The following SLC4A9 variants were observed in gnomAD, a reference collection of about 807,000 sequenced individuals.
SLC4A9 encodes the protein solute carrier family 4 member 9, also known as anion exchange protein 4.
Under a neutral mutation model 103.2 loss-of-function variants are expected in SLC4A9, and 102 were observed. That is an observed-to-expected ratio of 0.99 (90% CI 0.84 to 1.17). The LOEUF (loss-of-function observed/expected upper bound fraction) is 1.17, where lower values mean the gene tolerates loss of function less well. Ranked by LOEUF, SLC4A9 falls within the 50% of genes most tolerant of loss-of-function variation. SLC4A9 has a pLI of 0.00. For missense variants in SLC4A9, 1,091 were observed against 1,193.7 expected, an observed-to-expected ratio of 0.91 and a Z score of 1.27; for synonymous variants, 453 against 483.6, an observed-to-expected ratio of 0.94 and a Z score of 0.83.
intron 6 of SLC4A9, 25 bp downstream of exon 6, chr5:140,362,557 T>TGC (rs1359731749): frequency 1.0e-5 from 16 of 1,594,664 alleles, no homozygotes; most frequent in Middle Eastern, 1.7e-4. Context: ...TGTGTGTGTG[T>TGC]GCGCGCGCAC....
Position 140,363,983 on chromosome 5 carries a change from G to A in SLC4A9, c.1255-71G>A. ...CCCCTGGGACTATGGGTAAGTTAAG[G>A]AGGCTCTCCCAAAGCTTCAAAGGAC... On this transcript the variant is annotated intron_variant, in intron 9 of 21. Transcript: ENST00000506757. This position sits in a 1 kb window ranked among gnomAD's most constrained non-coding sequence, Gnocchi z 4.5. The A allele has an allele frequency of 1.3e-6, 2 of 1,555,854 alleles. No homozygotes were observed.
Position 140,373,796 on chromosome 5 carries a change from A to T in SLC4A9, c.*45+953A>T, listed in dbSNP as rs183857548. Among the ~76,000 whole-genome samples the T allele has an allele frequency of 3.2e-3, 490 of 152,212 alleles. 4 individuals carry two copies. Among genetic ancestry groups the T allele is most frequent in the African/African-American group, 0.011 (472 of 41,518 alleles). On this transcript the variant is annotated intron_variant, in intron 21 of 21. Transcript: ENST00000506757. Reference sequence around the variant, plus strand: ...ATAGTGAGATCCTGTCTCTAAAAAAATTTTTTTTAAAAGGAGCAAGCCAGG... The same window carrying T: ...ATAGTGAGATCCTGTCTCTAAAAAATTTTTTTTTAAAAGGAGCAAGCCAGG...
intron 11 of SLC4A9, 79 bp downstream of exon 11, chr5:140,364,704 C>T: frequency 6.6e-7 from 1 of 1,514,370 alleles, no homozygotes; most frequent in Non-Finnish European, 8.9e-7. Context: ...TACTATCCCC[C>T]CTGGTTAAGT....
At chr5:140,365,456 T>G (rs1370669007) in intron 11 of SLC4A9, 64 bp from the exon 12 acceptor site, 2 of 1,472,106 alleles carry the variant, frequency 1.4e-6, no homozygotes, top group Non-Finnish European at 1.9e-6. Flanking sequence ...GATAAGAATT[T>G]TATGGGGCTG....
In SLC4A9 at chr5:140,372,413, G is replaced by T; in HGVS notation, c.2826+16G>T. The T allele has an allele frequency of 6.2e-7, 1 of 1,606,846 alleles. No individual in the cohort carries two copies. The highest frequency in any genetic ancestry group is 1.3e-5 in the African/African-American group (1 of 74,526). On this transcript the variant is annotated intron_variant, in intron 20 of 21. Coordinates refer to ENST00000506757, the MANE Select transcript of SLC4A9 (RefSeq NM_031467.3). ...CAGTGAAGATGTGAGCTCCAGGCTG[G>T]GTCCTCTCAGGAGAATGTGTCAGGG...
At chr5:140,365,466 G>A in intron 11 of SLC4A9, 54 bp from the exon 12 acceptor site, 1 of 1,522,026 alleles carries the variant, frequency 6.6e-7, no homozygotes, top group East Asian at 2.4e-5. Flanking sequence ...TTATGGGGCT[G>A]GAGGAGGTTC....
chr5:140,364,067 G>A lies in SLC4A9; in HGVS notation c.1268G>A (p.Ser423Asn). The A allele has an allele frequency of 6.5e-7, 1 of 1,549,292 alleles. No individual in the cohort carries two copies. Among genetic ancestry groups the A allele is most frequent in the Non-Finnish European group, 8.7e-7 (1 of 1,150,568 alleles). ...GTTGGCTTCCAGGGAGTGCTGGAAA[G>A]TTTCCTGGGCACAGCAGTGGCTGGA... ...ATDGAQGVLE[S>N]FLGTAVAGAA... is the part of the protein sequence containing the mutation. Residue 423 changes from serine to asparagine, a missense_variant, in exon 10 of 22, where the codon AGT becomes AAT. Coordinates refer to ENST00000506757, the MANE Select transcript of SLC4A9 (RefSeq NM_031467.3).
rs761539859 is a variant in SLC4A9, at chr5:140,367,435, C to A, written c.2029C>A (p.Arg677Ser). The change falls in exon 15 of 22, where the codon CGT becomes AGT. Residue 677 changes from arginine (R) to serine (S), a missense_variant. Arg to Ser is a moderately radical substitution (Grantham distance 110, BLOSUM62 -1). Coordinates refer to ENST00000506757, the MANE Select transcript of SLC4A9 (RefSeq NM_031467.3). Reference protein sequence around the residue: ...PREFKPTLPGRGWLVSPFGAN... With the variant: ...PREFKPTLPGSGWLVSPFGAN... Reference sequence around the variant, plus strand: ...CCTCCTCCAGCCCACACTCCCTGGGCGTGGCTGGCTGGTGTCACCTTTTGG... The same window carrying A: ...CCTCCTCCAGCCCACACTCCCTGGGAGTGGCTGGCTGGTGTCACCTTTTGG... 7 of 1,611,706 alleles carry A rather than the reference C, an allele frequency of 4.3e-6. No individual in the cohort carries two copies. The highest frequency in any genetic ancestry group is 5.1e-6 in the Non-Finnish European group (6 of 1,179,148).
At position 140,367,560 on chromosome 5, in the gene SLC4A9, C is replaced by A. The variant is rs1422042602; in HGVS notation, c.2154C>A (p.Asn718Lys). Residue 718 changes from asparagine (N) to lysine (K), a missense_variant, in exon 15 of 22, where the codon AAC (asparagine) becomes AAA (lysine). Physicochemically the swap from Asn to Lys is moderately conservative, Grantham distance 94. Transcript: ENST00000506757. ...AACAGATCACAGCAGTCATCCTCAA[C>A]CGCATGGAATACAGACTGCAGGTAA... ...MDQQITAVIL[N>K]RMEYRLQKGA... The A allele has an allele frequency of 6.2e-7, 1 of 1,603,688 alleles. No individual in the cohort carries two copies. Among genetic ancestry groups the A allele is most frequent in the Non-Finnish European group, 8.5e-7 (1 of 1,175,312 alleles).
At position 140,361,259 on chromosome 5, in the gene SLC4A9, G is replaced by A. The variant is rs373183596; in HGVS notation, c.397G>A (p.Val133Met). 9.0e-6 allele frequency: 14 copies of A among 1,562,944 alleles called. No individual in the cohort carries two copies. In the African/African-American group the frequency reaches 1.8e-4, roughly 20 times the overall value. Residue 133 changes from valine (V) to methionine (M), a missense_variant, in exon 3 of 22, where the codon GTG (valine) becomes ATG (methionine). Physicochemically the swap from Val to Met is conservative, Grantham distance 21. Coordinates refer to ENST00000506757, the MANE Select transcript of SLC4A9 (RefSeq NM_031467.3). ...ACCCCCAATCCATTCTCCAGAGCAG[G>A]TGACCAGGGTGGAGTCGCTGAGCCC... ...AQSLLELVEQ[V>M]TRVESLSPEL...
chr5:140,362,008 C>G lies in SLC4A9; in HGVS notation c.562-9C>G, dbSNP rs1767155974. The G allele has an allele frequency of 6.2e-7, 1 of 1,613,526 alleles. No individual in the cohort carries two copies. The highest frequency in any genetic ancestry group is 8.5e-7 in the Non-Finnish European group (1 of 1,179,742). On this transcript the variant is annotated splice_polypyrimidine_tract_variant and intron_variant, in intron 4 of 21. Coordinates refer to ENST00000506757, the MANE Select transcript of SLC4A9 (RefSeq NM_031467.3). ...TTCATATTCTGTGTCTCCTTGAACC[C>G]CCATCCAGTGTCAGAACCCCCTGAG...
At chr5:140,365,497 C>A in intron 11 of SLC4A9, 23 bp from the exon 12 acceptor site, 1 of 1,600,558 alleles carries the variant, frequency 6.2e-7, no homozygotes, top group Non-Finnish European at 8.5e-7. Context: ...GAACATACAT[C>A]TGAATTCTTC....
At chr5:140,364,680 AG>A (rs1767629054) in intron 11 of SLC4A9, 55 bp downstream of exon 11, 5 of 1,560,720 alleles carry the variant, frequency 3.2e-6, no homozygotes, top group Non-Finnish European at 4.3e-6. Context: ...AGGGAAGGGG[AG>A]GGGCTGCACC....
At position 140,372,780 on chromosome 5, in the gene SLC4A9, C is replaced by A. The variant is rs775610632; in HGVS notation, c.2862C>A (p.Ile954=). The A allele has an allele frequency of 7.1e-5, 112 of 1,577,556 alleles. No individual in the cohort carries two copies. The highest frequency in any genetic ancestry group is 9.4e-5 in the Non-Finnish European group (109 of 1,160,486). ...ELMYQPKAPE[I]NISVN is the part of the protein sequence containing the mutation. ...TGTATCAGCCAAAGGCTCCAGAAAT[C>A]AACATTTCTGTGAATTAGCTGGAGT... Residue 954 remains isoleucine (I), a synonymous_variant, in exon 21 of 22, where the codon ATC becomes ATA. Coordinates refer to ENST00000506757, the MANE Select transcript of SLC4A9 (RefSeq NM_031467.3).
Position 140,363,256 on chromosome 5 carries a change from G to A in SLC4A9, c.963-183G>A, listed in dbSNP as rs1767369658. On this transcript the variant is annotated intron_variant, in intron 7 of 21. Transcript: ENST00000506757. This position sits in a 1 kb window ranked among gnomAD's most constrained non-coding sequence, Gnocchi z 4.5. ...AGAGACCTGAACAAAGACCTTCCCTGCCCGAGCCTGGCTTTCACAGGTCGC... is the reference window on the plus strand; with the variant it reads ...AGAGACCTGAACAAAGACCTTCCCTACCCGAGCCTGGCTTTCACAGGTCGC... Among the ~76,000 whole-genome samples, 1 of 152,162 alleles carries A rather than the reference G, an allele frequency of 6.6e-6. No individual in the cohort carries two copies. Among genetic ancestry groups the A allele is most frequent in the African/African-American group, 2.4e-5 (1 of 41,442 alleles).
chr5:140,364,113 A>G lies in SLC4A9; in HGVS notation c.1314A>G (p.Ala438=). The G allele has an allele frequency of 6.3e-7, 1 of 1,590,578 alleles. No individual in the cohort carries two copies. The part of the protein sequence containing the change: ...AVAGAAFCLM[A]GQPLTILSST... ...CTGGAGCTGCCTTCTGCCTGATGGC[A>G]GGCCAGCCCCTCACCATTCTGAGCA... Residue 438 remains alanine, a synonymous_variant, in exon 10 of 22, where the codon GCA becomes GCG. Transcript: ENST00000506757.
chr5:140,372,802 G>C lies in SLC4A9; in HGVS notation c.*4G>C. 6.4e-7 allele frequency: 1 copy of C among 1,565,004 alleles called. No individual in the cohort carries two copies. The highest frequency in any genetic ancestry group is 8.7e-7 in the Non-Finnish European group (1 of 1,153,806). On this transcript the variant is annotated 3_prime_UTR_variant, in exon 21 of 22. Transcript: ENST00000506757. Reference sequence around the variant, plus strand: ...AATCAACATTTCTGTGAATTAGCTGGAGTAGGAGTCTGGGAGTGGAGACCC... The same window carrying C: ...AATCAACATTTCTGTGAATTAGCTGCAGTAGGAGTCTGGGAGTGGAGACCC...
At chr5:140,373,466 A>G (rs998975107) in intron 21 of SLC4A9, among the ~76,000 whole-genome samples, 4 of 152,176 alleles carry the variant, frequency 2.6e-5, no homozygotes, top group African/African-American at 9.7e-5. Flanking sequence ...AGGGAATAAC[A>G]GGGGCCATGG....
Position 140,372,328 on chromosome 5 carries a change from G to A in SLC4A9, c.2757G>A (p.Glu919=). 6.2e-7 allele frequency: 1 copy of A among 1,610,318 alleles called. No homozygotes were observed. Among genetic ancestry groups the A allele is most frequent in the South Asian group, 1.1e-5 (1 of 90,548 alleles). The change falls in exon 20 of 22, where the codon GAG becomes GAA. Residue 919 remains glutamate, a synonymous_variant. Transcript: ENST00000506757. ...ELLWLDELMP[E]EERSIPEKGL... is the part of the protein sequence containing the mutation. Reference sequence around the variant, plus strand: ...TCTGGCTGGATGAGCTGATGCCAGAGGAGGAGAGAAGCATCCCTGAGAAGG... The same window carrying A: ...TCTGGCTGGATGAGCTGATGCCAGAAGAGGAGAGAAGCATCCCTGAGAAGG...
Sources: gnomAD v4.1 joint callset for allele counts (sites outside exome capture counted in the v4.1 genomes callset) on GRCh38, gnomAD v4.1.1 for gene constraint, Gnocchi (gnomAD v3.1) non-coding constraint, MANE v1.5 for transcripts, NCBI Gene and HGNC (gene_info 2026-07-23, HGNC 2026-07-21) for gene names.